AP3D1: variants seen among roughly 807,000 people sequenced by gnomAD.
AP3D1 encodes AP-3 complex subunit delta-1.
Under a neutral mutation model 147.6 loss-of-function variants are expected in AP3D1, and 51 were observed. The observed-to-expected ratio is 0.35, with a 90% CI of 0.28 to 0.44. The LOEUF is 0.44. Among genes scored for constraint, AP3D1 ranks in the 20% least tolerant of loss-of-function variants. The pLI is 1.00. For missense variants in AP3D1, 1,421 were observed against 1,624.2 expected (o/e 0.87, Z 2.15); for synonymous variants, 760 against 663.0 (o/e 1.15, Z -2.25).
At chr19:2,134,166 C>T (rs749853606) in intron 4 of AP3D1, among the ~76,000 whole-genome samples, 2 of 152,022 alleles carry the variant, frequency 1.3e-5, no homozygotes, top group Non-Finnish European at 2.9e-5. Flanking sequence ...CTAATCCTAC[C>T]ACTTTGGAAG....
intron 15 of AP3D1, 35 bp downstream of exon 15, chr19:2,118,564 CCT>C: frequency 1.9e-6 from 3 of 1,578,254 alleles, no homozygotes; most frequent in Non-Finnish European, 2.6e-6. Flanking sequence ...CTGAGGGCTC[CCT>C]GAGGCTCGGC....
intron 1 of AP3D1, among the ~76,000 whole-genome samples, chr19:2,162,284 C>T (rs1446230535): frequency 6.7e-6 from 1 of 149,538 alleles, no homozygotes; most frequent in Admixed American, 6.6e-5. Context: ...GATCCACCCG[C>T]CTCGGCCTCC....
intron 1 of AP3D1, among the ~76,000 whole-genome samples, chr19:2,144,423 C>T (rs1221970671): frequency 1.3e-5 from 2 of 152,184 alleles, no homozygotes; most frequent in African/African-American, 2.4e-5. Context: ...CCTACCTCCA[C>T]TCCCACAACT....
chr19:2,124,245 T>C (rs1008326590), intron 9 of AP3D1, among the ~76,000 whole-genome samples: 5 of 152,214 alleles, frequency 3.3e-5, no homozygotes, highest in Non-Finnish European at 7.3e-5. Flanking sequence ...GCTGGGTCTC[T>C]GGGAGCCTCC....
At chr19:2,110,966 C>T in intron 26 of AP3D1, 70 bp from the exon 27 acceptor site, 1 of 1,521,248 alleles carries the variant, frequency 6.6e-7, no homozygotes, top group Non-Finnish European at 9.0e-7. Context: ...CCACCTGTCT[C>T]TTAATGACCA....
chr19:2,122,333 G>A (rs2018634894), intron 11 of AP3D1, among the ~76,000 whole-genome samples: 1 of 152,246 alleles, frequency 6.6e-6, no homozygotes, highest in Non-Finnish European at 1.5e-5. Flanking sequence ...AGGCACAGAT[G>A]CCACAACCTA....
chr19:2,125,016 A>C (rs906676910), intron 9 of AP3D1, among the ~76,000 whole-genome samples: 4 of 152,168 alleles, frequency 2.6e-5, no homozygotes, highest in African/African-American at 9.7e-5. Context: ...GGGATAAGAG[A>C]CTGCACATGG....
chr19:2,123,368 G>A lies in AP3D1; in HGVS notation c.945C>T (p.Ser315=), dbSNP rs1047454418. The part of the protein sequence containing the change: ...VQKLRILIED[S]DQNLKYLGLL... ...GAGGGGATGACTCACAGTTCTGATC[G>A]GAGTCCTCGATCAATATCCTTAATT... Residue 315 remains serine, a synonymous_variant, in exon 11 of 32, where the codon TCC becomes TCT. Coordinates refer to ENST00000643116, the MANE Select transcript of AP3D1 (RefSeq NM_001261826.3). 29 of 1,613,818 alleles carry A rather than the reference G, an allele frequency of 1.8e-5. No individual in the cohort carries two copies. The highest frequency in any genetic ancestry group is 2.2e-5 in the Non-Finnish European group (26 of 1,179,968).
chr19:2,130,909 G>A (rs557575907), intron 5 of AP3D1, among the ~76,000 whole-genome samples: 5 of 152,380 alleles, frequency 3.3e-5, no homozygotes, highest in African/African-American at 7.2e-5. Flanking sequence ...CCCAGCGGGA[G>A]CCCTCCCATC....
intron 21 of AP3D1, 27 bp downstream of exon 21, chr19:2,114,721 C>G (rs200152800): frequency 4.8e-4 from 767 of 1,609,218 alleles, no homozygotes; most frequent in Non-Finnish European, 5.8e-4. Flanking sequence ...TGGCCTCCAC[C>G]CTCACCCTGA....
chr19:2,120,963 A>G lies in AP3D1; in HGVS notation c.1380T>C (p.Ser460=), dbSNP rs750469803. The G allele has an allele frequency of 6.2e-7, 1 of 1,612,258 alleles. No individual in the cohort carries two copies. Among genetic ancestry groups the G allele is most frequent in the Non-Finnish European group, 8.5e-7 (1 of 1,180,004 alleles). ...AIRKFAVSQM[S]ALLDSAHLLA... The stretch of plus-strand genomic sequence containing the variant: ...GCAGGTGTGCACTGTCAAGCAGCGC[A>G]GACATCTGGGACACGGCGAACTTGC... The change falls in exon 14 of 32, where the codon TCT becomes TCC. Residue 460 remains serine (S), a synonymous_variant. Coordinates refer to ENST00000643116, the MANE Select transcript of AP3D1 (RefSeq NM_001261826.3).
At chr19:2,108,329 G>T (rs113435217) in intron 31 of AP3D1, among the ~76,000 whole-genome samples, 2 of 152,356 alleles carry the variant, frequency 1.3e-5, no homozygotes, top group African/African-American at 4.8e-5. Flanking sequence ...GGAGCGGAGG[G>T]AGCGAGGAGT....
At chr19:2,142,642 G>A (rs77919116) in intron 1 of AP3D1, among the ~76,000 whole-genome samples, 5,104 of 152,318 alleles carry the variant, frequency 0.034, 278 homozygotes, top group African/African-American at 0.12. Flanking sequence ...GCCTGGCTGA[G>A]GGGAGCCGGG....
At chr19:2,123,452 G>A (rs867517458) in intron 10 of AP3D1, 46 bp from the exon 11 acceptor site, 11 of 1,601,384 alleles carry the variant, frequency 6.9e-6, no homozygotes, top group Non-Finnish European at 6.0e-6. Context: ...TCTAAACCAA[G>A]GGTGAGTCCC....
chr19:2,164,238 C>T (rs2019821055), intron 1 of AP3D1: 2 of 1,290,286 alleles, frequency 1.6e-6, no homozygotes, highest in East Asian at 2.9e-5. Flanking sequence ...CTGAGCCCGC[C>T]GTCTACCCGT....
At chr19:2,109,546 GA>G in intron 29 of AP3D1, 4 of 489,806 alleles carry the variant, frequency 8.2e-6, no homozygotes, top group Non-Finnish European at 1.5e-5. Flanking sequence ...ACTCAGGGGG[GA>G]GGGGGTGCCG....
chr19:2,106,597 CA>C (rs1235820797), intron 31 of AP3D1, among the ~76,000 whole-genome samples: 5 of 151,946 alleles, frequency 3.3e-5, no homozygotes, highest in African/African-American at 7.3e-5. Context: ...GGGACTCCAA[CA>C]GTTATTTGTT....
rs147038702 is a variant in AP3D1 at position 2,126,753 on chromosome 19, T to C, written c.856+399A>G. Among the ~76,000 whole-genome samples, 259 of 152,126 alleles carry C rather than the reference T, an allele frequency of 1.7e-3. 3 individuals are homozygous for C. In the East Asian group the frequency reaches 0.035, roughly 21 times the overall value. On this transcript the variant is annotated intron_variant, in intron 9 of 31. Coordinates refer to ENST00000643116, the MANE Select transcript of AP3D1 (RefSeq NM_001261826.3). ...AAACGATATGCTGTCTCAGGAGTGCTTTAAAGTCTCAGAAAAAATGCAGTG... is the reference window on the plus strand; with the variant it reads ...AAACGATATGCTGTCTCAGGAGTGCCTTAAAGTCTCAGAAAAAATGCAGTG...
intron 1 of AP3D1, among the ~76,000 whole-genome samples, chr19:2,162,372 TGC>T (rs2019723667): frequency 7.3e-6 from 1 of 136,464 alleles, no homozygotes; most frequent in Non-Finnish European, 1.6e-5. Flanking sequence ...AGGGGCCGGG[TGC>T]GGTGGCTGAT....
Sources: gnomAD v4.1 joint callset for allele counts (sites outside exome capture counted in the v4.1 genomes callset) on GRCh38, gnomAD v4.1.1 for gene constraint, MANE v1.5 for transcripts, NCBI Gene and HGNC (gene_info 2026-07-23, HGNC 2026-07-21) for gene names.